Variants in COL22A1 observed in about 807,000 individuals in gnomAD.
COL22A1 encodes the protein collagen alpha-1(XXII) chain.
In COL22A1, 221 loss-of-function variants were observed where a neutral mutation model predicts 248.9. That is an observed-to-expected ratio of 0.89 (90% confidence interval 0.80 to 0.99). The LOEUF is 0.99. COL22A1 is among the 50% of genes least tolerant of loss of function. The probability of loss-of-function intolerance (pLI) is 0.00; values close to 1 mark genes in which losing one functional copy is unlikely to be tolerated. For synonymous variants in COL22A1, 891 were observed against 793.4 expected (o/e 1.12, Z -2.07); for missense variants, 2,240 against 2,179.0 (o/e 1.03, Z -0.56).
intron 12 of COL22A1, among the ~76,000 whole-genome samples, chr8:138,783,821 C>G (rs865964057): frequency 7.9e-5 from 12 of 152,298 alleles, no homozygotes; most frequent in South Asian, 4.1e-4. Flanking sequence ...CCAAGTGAAG[C>G]AAGTTCCTTT....
intron 16 of COL22A1, among the ~76,000 whole-genome samples, chr8:138,768,665 T>C (rs10086220): frequency 0.59 from 90,193 of 152,094 alleles, 29,052 homozygotes; most frequent in African/African-American, 0.85. Flanking sequence ...TGGCCAGGTA[T>C]GGTGGCTCAT....
intron 12 of COL22A1, among the ~76,000 whole-genome samples, chr8:138,785,723 T>A (rs926639576): frequency 1.3e-5 from 2 of 152,282 alleles, no homozygotes; most frequent in East Asian, 3.9e-4. Flanking sequence ...CTAGCGTTGT[T>A]GGTTCTTTCA....
chr8:138,809,326 T>G (rs1240241159), intron 9 of COL22A1, among the ~76,000 whole-genome samples: 3 of 152,100 alleles, frequency 2.0e-5, no homozygotes, highest in Admixed American at 2.0e-4. Flanking sequence ...CTATTTGTCT[T>G]AAAACCTCAG....
chr8:138,600,675 A>G (rs1003540596), intron 60 of COL22A1, among the ~76,000 whole-genome samples: 1 of 152,202 alleles, frequency 6.6e-6, no homozygotes, highest in African/African-American at 2.4e-5. Flanking sequence ...TCACTGTTGA[A>G]CAATGTACCT....
chr8:138,805,621 G>A (rs111066397), intron 10 of COL22A1, among the ~76,000 whole-genome samples: 45,109 of 138,884 alleles, frequency 0.32, 7,794 homozygotes, highest in African/African-American at 0.5. Context: ...CGGTGTGTGA[G>A]GGTGTGTGTG....
chr8:138,664,577 G>A (rs1399029231), intron 41 of COL22A1, among the ~76,000 whole-genome samples: 6 of 151,946 alleles, frequency 3.9e-5, no homozygotes, highest in Non-Finnish European at 7.4e-5. Context: ...GATAGTCCCC[G>A]CCCCTGTACA....
chr8:138,626,975 A>G (rs1222749835), intron 50 of COL22A1, among the ~76,000 whole-genome samples: 1 of 152,120 alleles, frequency 6.6e-6, no homozygotes, highest in Non-Finnish European at 1.5e-5. Flanking sequence ...GAGCTGACAA[A>G]TTTATAATCT....
In COL22A1 at chr8:138,826,559, G is replaced by C. The variant is rs1300804625; in HGVS notation, c.969+99C>G. 3 of 1,322,176 alleles carry C rather than the reference G, an allele frequency of 2.3e-6. No homozygotes were observed. In the African/African-American group the frequency reaches 4.4e-5, roughly 19 times the overall value. The allele number at this position is 1,322,176 out of a possible 1,614,324, so 81.9% of individuals were successfully genotyped here. ...GGCTCTCTATCTCTCTAGGCCCAGG[G>C]ATAAGAGCCCTGGAGAAAACATGGT... On this transcript the variant is annotated intron_variant, in intron 6 of 64. Coordinates refer to ENST00000303045, the MANE Select transcript of COL22A1 (RefSeq NM_152888.3).
At chr8:138,796,732 G>T in intron 12 of COL22A1, 87 bp downstream of exon 12, 1 of 913,748 alleles carries the variant, frequency 1.1e-6, no homozygotes, top group Non-Finnish European at 1.8e-6. Flanking sequence ...TTCTTTCCAG[G>T]CAACATAACA....
intron 3 of COL22A1, among the ~76,000 whole-genome samples, chr8:138,865,224 A>C (rs560566957): frequency 6.6e-6 from 1 of 152,294 alleles, no homozygotes; most frequent in African/African-American, 2.4e-5. Context: ...TTCCAGGGTA[A>C]GGGGCAAAAG....
chr8:138,704,467 A>C (rs2131003133), intron 30 of COL22A1, among the ~76,000 whole-genome samples: 1 of 152,332 alleles, frequency 6.6e-6, no homozygotes, highest in East Asian at 1.9e-4. Flanking sequence ...GCTGTTCTGC[A>C]ATATTTGCTG....
At chr8:138,601,607 GAAAA>G (rs76531503) in intron 60 of COL22A1, among the ~76,000 whole-genome samples, 1 of 151,590 alleles carries the variant, frequency 6.6e-6, no homozygotes, top group African/African-American at 2.4e-5. Context: ...AGAAAAAAAA[GAAAA>G]AAAAGTCTTT....
rs545616695 is a variant in COL22A1, at chr8:138,873,855, T to C, written c.658+3895A>G. On this transcript the variant is annotated intron_variant, in intron 3 of 64. Transcript: ENST00000303045. ...GAATGGCTGTTTTAATGCATGGTTA[T>C]TGAATGAATGAGTGAGTTGGATCTA... Among the ~76,000 whole-genome samples the C allele has an allele frequency of 2.0e-5, 3 of 152,338 alleles. No individual in the cohort carries two copies. The South Asian group carries it at 6.2e-4, about 32-fold the overall frequency.
At chr8:138,674,198 C>T (rs1450795865) in intron 41 of COL22A1, among the ~76,000 whole-genome samples, 1 of 152,180 alleles carries the variant, frequency 6.6e-6, no homozygotes, top group Admixed American at 6.5e-5. Context: ...AACCAACTTG[C>T]CCAGGACCAA....
At position 138,801,028 on chromosome 8, in the gene COL22A1, C is replaced by G. The variant is rs1816955624; in HGVS notation, c.1557+1844G>C. Among the ~76,000 whole-genome samples the G allele has an allele frequency of 2.0e-5, 3 of 152,224 alleles. No individual in the cohort carries two copies. In the South Asian group the frequency reaches 6.2e-4, roughly 32 times the overall value. On this transcript the variant is annotated intron_variant, in intron 11 of 64. Transcript: ENST00000303045. ...TGTGAGAGTTAAGTGAGCCCCAAGT[C>G]TGTGAAGCATGTAATGCAGAGCCAG... is the stretch of plus-strand genomic sequence containing the variant.
At chr8:138,601,788 A>T (rs1263065345) in intron 60 of COL22A1, among the ~76,000 whole-genome samples, 1 of 152,196 alleles carries the variant, frequency 6.6e-6, no homozygotes, top group African/African-American at 2.4e-5. Context: ...GGGCATTCGC[A>T]CACGGGGAGA....
intron 41 of COL22A1, among the ~76,000 whole-genome samples, chr8:138,673,904 G>T (rs1825272596): frequency 6.6e-6 from 1 of 152,102 alleles, no homozygotes; most frequent in Admixed American, 6.5e-5. Context: ...ACCAAACACA[G>T]GCAGGAGGTG....
chr8:138,769,751 C>G (rs1178063280), intron 16 of COL22A1, among the ~76,000 whole-genome samples: 1 of 152,208 alleles, frequency 6.6e-6, no homozygotes, highest in Non-Finnish European at 1.5e-5. Context: ...ATCACAGTCA[C>G]TCCTAGTGCA....
At chr8:138,619,360 G>A (rs1179952495) in intron 53 of COL22A1, 95 bp downstream of exon 53, 25 of 1,104,560 alleles carry the variant, frequency 2.3e-5, no homozygotes, top group Middle Eastern at 2.7e-4. Flanking sequence ...AGGACCCCAC[G>A]GTTGGGCAGT....
Sources: gnomAD v4.1 joint callset for allele counts (sites outside exome capture counted in the v4.1 genomes callset) on GRCh38, gnomAD v4.1.1 for gene constraint, MANE v1.5 for transcripts, NCBI Gene and HGNC (gene_info 2026-07-23, HGNC 2026-07-21) for gene names.